GALNTL6: variants seen among roughly 807,000 people sequenced by gnomAD.
The protein encoded by GALNTL6 is polypeptide N-acetylgalactosaminyltransferase-like 6.
A neutral mutation model predicts 73.7 loss-of-function variants in GALNTL6; 46 were observed. That is an observed-to-expected ratio of 0.62 (90% CI 0.49 to 0.80). The LOEUF is 0.80. Ranked by LOEUF, GALNTL6 falls within the 30% of genes least tolerant of loss-of-function variation. The pLI is 0.00. For synonymous variants in GALNTL6, 259 were observed against 263.7 expected, an observed-to-expected ratio of 0.98 and a Z score of 0.17; for missense variants, 604 against 755.0, an observed-to-expected ratio of 0.80 and a Z score of 2.34.
At chr4:172,825,257 C>T (rs916607963) in intron 7 of GALNTL6, among the ~76,000 whole-genome samples, 2 of 151,412 alleles carry the variant, frequency 1.3e-5, no homozygotes, top group Non-Finnish European at 2.9e-5. Flanking sequence ...TGGAGTCTTG[C>T]GGGAGGGAGG....
At chr4:172,333,501 T>C (rs183596958) in intron 4 of GALNTL6, among the ~76,000 whole-genome samples, 1 of 152,320 alleles carries the variant, frequency 6.6e-6, no homozygotes, top group Admixed American at 6.5e-5. Flanking sequence ...TTTCTTTTTG[T>C]TGAGTTGAGT....
At chr4:172,929,136 T>C (rs1466507980) in intron 8 of GALNTL6, among the ~76,000 whole-genome samples, 1 of 152,248 alleles carries the variant, frequency 6.6e-6, no homozygotes, top group Non-Finnish European at 1.5e-5. Flanking sequence ...CACATATTTC[T>C]GAAGGCTTGA....
intron 5 of GALNTL6, among the ~76,000 whole-genome samples, chr4:172,414,135 T>G (rs1744538529): frequency 6.6e-6 from 1 of 152,156 alleles, no homozygotes; most frequent in Non-Finnish European, 1.5e-5. Flanking sequence ...AGGTAAGATG[T>G]ATTGATATAC....
chr4:172,722,637 G>GA (rs1334175926), intron 5 of GALNTL6, among the ~76,000 whole-genome samples: 2 of 151,970 alleles, frequency 1.3e-5, no homozygotes, highest in African/African-American at 2.4e-5. Context: ...ATTGAAAAAT[G>GA]AAAAAAATAA....
chr4:173,039,936 A>G lies in GALNTL6; in HGVS notation c.1642A>G (p.Arg548Gly). Residue 548 changes from arginine (R) to glycine (G), a missense_variant, in exon 13 of 13, where the codon AGA becomes GGA. Physicochemically the swap from Arg to Gly is moderately radical, Grantham distance 125. This residue lies in a region of GALNTL6 where 261 missense variants were observed against 296.5 expected (regional missense o/e 0.88). Transcript: ENST00000506823. ...CTTTTCTTCCTCACTCCTCCAGGAC[A>G]GAACATTATTCCATCCTGTGAGCAA... is the stretch of plus-strand genomic sequence containing the variant. ...GNQLWGYRKD[R>G]TLFHPVSNSC... is the part of the protein sequence containing the mutation. 1 of 1,612,272 alleles carries G rather than the reference A, an allele frequency of 6.2e-7. No homozygotes were observed. Among genetic ancestry groups the G allele is most frequent in the South Asian group, 1.1e-5 (1 of 90,586 alleles).
intron 5 of GALNTL6, among the ~76,000 whole-genome samples, chr4:172,429,195 A>ATTTTATT (rs55787801): frequency 0.26 from 34,454 of 133,422 alleles, 5,615 homozygotes; most frequent in Middle Eastern, 0.33. Flanking sequence ...TTTATTTTAT[A>ATTTTATT]TTATTTTATT....
chr4:171,813,420 T>C lies in GALNTL6; in HGVS notation c.-740T>C, dbSNP rs915715551. On this transcript the variant is annotated 5_prime_UTR_variant, in exon 1 of 13. Coordinates refer to ENST00000506823, the MANE Select transcript of GALNTL6 (RefSeq NM_001034845.3). This position sits in a 1 kb window ranked among gnomAD's most constrained non-coding sequence, Gnocchi z 5.2. The stretch of plus-strand genomic sequence containing the variant: ...CCGCACGTGGCAGACACCAGCGACG[T>C]CTCCGCGGAAGGCAGGCGCCGGGGA... 6.6e-6 allele frequency: 1 copy of C among 152,232 alleles called. No individual in the cohort carries two copies. Among genetic ancestry groups the C allele is most frequent in the Non-Finnish European group, 1.5e-5 (1 of 68,066 alleles). 9.4% of individuals were successfully genotyped at this position (152,232 alleles called of 1,614,324 possible).
At chr4:172,274,797 T>C (rs1203984074) in intron 3 of GALNTL6, among the ~76,000 whole-genome samples, 1 of 152,236 alleles carries the variant, frequency 6.6e-6, no homozygotes, top group Admixed American at 6.5e-5. Context: ...AATTACTTTT[T>C]CTAGGCAGAA....
At chr4:172,835,446 T>A (rs115765722) in intron 7 of GALNTL6, among the ~76,000 whole-genome samples, 181 of 152,342 alleles carry the variant, frequency 1.2e-3, no homozygotes, top group Non-Finnish European at 2.2e-3. Flanking sequence ...GATCTAGTTT[T>A]AACAGTCTTG....
chr4:172,513,080 G>A (rs372124589), intron 5 of GALNTL6, among the ~76,000 whole-genome samples: 1 of 151,866 alleles, frequency 6.6e-6, no homozygotes, highest in South Asian at 2.1e-4. Context: ...TTCTTTCTCG[G>A]GCATAGCAAT....
intron 2 of GALNTL6, among the ~76,000 whole-genome samples, chr4:171,821,270 C>G (rs496524): frequency 0.99 from 150,092 of 152,176 alleles, 74,054 homozygotes; most frequent in Middle Eastern, 1. Flanking sequence ...TCAACTCCTA[C>G]TGTCAAGAGA....
chr4:172,351,964 A>G (rs78526820), intron 5 of GALNTL6, among the ~76,000 whole-genome samples: 3,129 of 152,282 alleles, frequency 0.021, 98 homozygotes, highest in African/African-American at 0.07. Flanking sequence ...TACATCCTCC[A>G]GGTCAATAGA....
chr4:172,318,591 A>T (rs1283920148), intron 4 of GALNTL6, among the ~76,000 whole-genome samples: 1 of 151,984 alleles, frequency 6.6e-6, no homozygotes, highest in Non-Finnish European at 1.5e-5. Flanking sequence ...AATCCCAGCT[A>T]CTCTGGAGGC....
At chr4:172,084,381 T>A (rs913477822) in intron 2 of GALNTL6, among the ~76,000 whole-genome samples, 2 of 152,144 alleles carry the variant, frequency 1.3e-5, no homozygotes, top group East Asian at 3.9e-4. Context: ...TCCTCCTAGA[T>A]AGGAGCTGAG....
intron 2 of GALNTL6, among the ~76,000 whole-genome samples, chr4:172,049,357 C>G (rs1230639902): frequency 1.3e-5 from 2 of 152,122 alleles, no homozygotes; most frequent in Non-Finnish European, 2.9e-5. Context: ...CAGTAGAGAG[C>G]TTTTGCCCAT....
At chr4:172,285,888 C>T (rs777323232) in intron 3 of GALNTL6, among the ~76,000 whole-genome samples, 7 of 152,180 alleles carry the variant, frequency 4.6e-5, no homozygotes, top group South Asian at 2.1e-4. Flanking sequence ...TTGCCTTTAA[C>T]ATTTGTCAAA....
At chr4:172,374,812 G>A (rs565826016) in intron 5 of GALNTL6, among the ~76,000 whole-genome samples, 5 of 152,242 alleles carry the variant, frequency 3.3e-5, no homozygotes, top group Admixed American at 2.6e-4. Flanking sequence ...TAGAGGCCAG[G>A]GTTTGATCTA....
At chr4:171,884,586 A>G (rs919392337) in intron 2 of GALNTL6, among the ~76,000 whole-genome samples, 2 of 151,854 alleles carry the variant, frequency 1.3e-5, no homozygotes, top group Non-Finnish European at 2.9e-5. Context: ...TGTTGAAGAT[A>G]TACATATTCA....
At chr4:172,004,218 C>T (rs1740760046) in intron 2 of GALNTL6, among the ~76,000 whole-genome samples, 1 of 152,086 alleles carries the variant, frequency 6.6e-6, no homozygotes, top group Non-Finnish European at 1.5e-5. Context: ...AATAGTTTGT[C>T]CCCACAAAAG....
Sources: allele counts gnomAD v4.1 joint callset (sites outside exome capture counted in the v4.1 genomes callset), GRCh38; gene constraint gnomAD v4.1.1; regional missense constraint gnomAD v4.1.1; non-coding constraint Gnocchi (gnomAD v3.1); transcripts MANE v1.5; gene names NCBI Gene and HGNC (gene_info 2026-07-23, HGNC 2026-07-21).